KYNU: variants seen among roughly 807,000 people sequenced by gnomAD.
The protein encoded by KYNU is L-kynurenine hydrolase.
KYNU carries 54 observed loss-of-function variants against 59.2 expected under a neutral mutation model. That is an observed-to-expected ratio of 0.91 (90% CI 0.73 to 1.14). The LOEUF (loss-of-function observed/expected upper bound fraction) is 1.14. Among genes scored for constraint, KYNU ranks in the 50% most tolerant of loss-of-function variants. The pLI is 0.00. For synonymous variants in KYNU, 177 were observed against 192.0 expected, an observed-to-expected ratio of 0.92 and a Z score of 0.65; for missense variants, 567 against 554.4, an observed-to-expected ratio of 1.02 and a Z score of -0.23.
chr2:142,891,683 G>C (rs568726270), intron 2 of KYNU, among the ~76,000 whole-genome samples: 17 of 152,254 alleles, frequency 1.1e-4, no homozygotes, highest in African/African-American at 4.1e-4. Context: ...GGCTTAGAAG[G>C]CTGTGACAGA....
chr2:143,003,391 C>T (rs901730755), intron 10 of KYNU, among the ~76,000 whole-genome samples: 1 of 152,016 alleles, frequency 6.6e-6, no homozygotes, highest in African/African-American at 2.4e-5. Context: ...TGGTGAAACC[C>T]CGTCTCTACT....
intron 3 of KYNU, among the ~76,000 whole-genome samples, chr2:142,921,138 G>A (rs144799626): frequency 1.4e-3 from 208 of 152,312 alleles, no homozygotes; most frequent in Non-Finnish European, 1.9e-3. Flanking sequence ...ACAGCCATGG[G>A]TAAGGGTTTA....
At chr2:142,972,272 G>T (rs1228888718) in intron 8 of KYNU, among the ~76,000 whole-genome samples, 1 of 152,050 alleles carries the variant, frequency 6.6e-6, no homozygotes, top group East Asian at 1.9e-4. Flanking sequence ...GCTCAGGATT[G>T]GTTTGCTTTT....
At chr2:142,903,334 T>A (rs1682173999) in intron 2 of KYNU, among the ~76,000 whole-genome samples, 1 of 152,108 alleles carries the variant, frequency 6.6e-6, no homozygotes, top group South Asian at 2.1e-4. Flanking sequence ...TAATTCCTTT[T>A]TCAAGCAGGG....
chr2:143,034,657 A>T (rs1254726442), intron 12 of KYNU, among the ~76,000 whole-genome samples: 1 of 152,252 alleles, frequency 6.6e-6, no homozygotes, highest in Non-Finnish European at 1.5e-5. Context: ...TCAGCCAGTG[A>T]TATATATTTT....
chr2:142,961,274 G>C (rs1331269195), intron 8 of KYNU, among the ~76,000 whole-genome samples: 1 of 129,256 alleles, frequency 7.7e-6, no homozygotes, highest in Admixed American at 7.8e-5. Context: ...TATTTAAACT[G>C]CTTTTTTTTT....
At chr2:143,033,438 A>T (rs1686814542) in intron 12 of KYNU, 117 bp downstream of exon 12, 1 of 828,980 alleles carries the variant, frequency 1.2e-6, no homozygotes, top group South Asian at 1.3e-5. Context: ...ACTGTGCATG[A>T]ACAAGGGACA....
intron 11 of KYNU, among the ~76,000 whole-genome samples, chr2:143,029,904 G>A (rs1686694370): frequency 6.6e-6 from 1 of 152,142 alleles, no homozygotes; most frequent in African/African-American, 2.4e-5. Context: ...AAAAGAAAAT[G>A]AAGTCCAAGG....
At chr2:142,935,964 T>A (rs1219771675) in intron 4 of KYNU, among the ~76,000 whole-genome samples, 2 of 152,038 alleles carry the variant, frequency 1.3e-5, no homozygotes, top group African/African-American at 4.8e-5. Context: ...AAGAAGTGGA[T>A]ACAGCTGACT....
intron 8 of KYNU, among the ~76,000 whole-genome samples, chr2:142,978,478 G>C (rs1052376915): frequency 6.6e-6 from 1 of 152,070 alleles, no homozygotes; most frequent in Admixed American, 6.6e-5. Context: ...TTAATACCAG[G>C]TAGTATCCAT....
At chr2:142,976,185 ACATGCTGACCGAAGC>A (rs1684874359) in intron 8 of KYNU, among the ~76,000 whole-genome samples, 1 of 152,212 alleles carries the variant, frequency 6.6e-6, no homozygotes, top group Non-Finnish European at 1.5e-5. Context: ...GGAGGGGGCC[ACATGCTGACCGAAGC>A]CATGCTGCTG....
intron 2 of KYNU, among the ~76,000 whole-genome samples, chr2:142,893,300 A>C (rs1270630204): frequency 6.6e-6 from 1 of 152,214 alleles, no homozygotes; most frequent in East Asian, 1.9e-4. Flanking sequence ...AGAGCCAGAG[A>C]CACAGAAGAA....
At chr2:142,958,851 A>G (rs1684251092) in intron 7 of KYNU, among the ~76,000 whole-genome samples, 2 of 152,318 alleles carry the variant, frequency 1.3e-5, no homozygotes, top group East Asian at 1.9e-4. Flanking sequence ...ATTAGTATCT[A>G]TAATATTTTC....
At chr2:142,916,768 G>T (rs1050728445) in intron 2 of KYNU, among the ~76,000 whole-genome samples, 6 of 152,178 alleles carry the variant, frequency 3.9e-5, no homozygotes, top group Admixed American at 2.6e-4. Flanking sequence ...GGCACTAAAA[G>T]AAAGAGTTGG....
intron 10 of KYNU, among the ~76,000 whole-genome samples, chr2:143,018,756 T>A (rs1321621205): frequency 1.3e-5 from 2 of 152,062 alleles, no homozygotes; most frequent in African/African-American, 4.8e-5. Flanking sequence ...ACAATATTGA[T>A]TCCATGAGCA....
At chr2:142,985,057 A>C in intron 8 of KYNU, 27 bp from the exon 9 acceptor site, 1 of 1,281,538 alleles carries the variant, frequency 7.8e-7, no homozygotes, top group Non-Finnish European at 1.1e-6. Flanking sequence ...AAGCAAACTT[A>C]AAGCTTATTA....
chr2:142,989,926 C>T (rs1685346917), intron 10 of KYNU: 1 of 151,770 alleles, frequency 6.6e-6, no homozygotes, highest in Non-Finnish European at 1.5e-5. Context: ...TGCATCTGTA[C>T]CAAGAGATTT....
At chr2:142,916,594 C>T (rs1474032990) in intron 2 of KYNU, among the ~76,000 whole-genome samples, 1 of 152,084 alleles carries the variant, frequency 6.6e-6, no homozygotes, top group African/African-American at 2.4e-5. Context: ...AACATGAACC[C>T]ACAGGATCCC....
chr2:142,977,447 A>G (rs148219315), intron 8 of KYNU, among the ~76,000 whole-genome samples: 1 of 148,238 alleles, frequency 6.7e-6, no homozygotes, highest in Non-Finnish European at 1.5e-5. Context: ...GGATTAAAAT[A>G]AGTTGGAACA....
Sources: allele counts gnomAD v4.1 joint callset (sites outside exome capture counted in the v4.1 genomes callset), GRCh38; gene constraint gnomAD v4.1.1; transcripts MANE v1.5; gene names NCBI Gene and HGNC (gene_info 2026-07-23, HGNC 2026-07-21).